KDM3B: variants seen among roughly 807,000 people sequenced by gnomAD.
KDM3B encodes the protein lysine demethylase 3B, also known as lysine-specific demethylase 3B.
A neutral mutation model predicts 170.0 loss-of-function variants in KDM3B; 10 were observed. The ratio of observed to expected loss-of-function variants is 0.06; its 90% CI spans 0.04 to 0.10. The LOEUF (loss-of-function observed/expected upper bound fraction) is 0.10. Ranked by LOEUF, KDM3B falls within the 10% of genes least tolerant of loss-of-function variation. The probability of loss-of-function intolerance (pLI) is 1.00; values close to 1 mark genes in which losing one functional copy is unlikely to be tolerated. For missense variants in KDM3B, 1,394 were observed against 2,195.2 expected, an observed-to-expected ratio of 0.64 and a Z score of 7.29; for synonymous variants, 831 against 834.8, an observed-to-expected ratio of 1.00 and a Z score of 0.08.
At chr5:138,372,926 A>G in intron 2 of KDM3B, 85 bp downstream of exon 2, 1 of 1,194,886 alleles carries the variant, frequency 8.4e-7, no homozygotes, top group Non-Finnish European at 1.2e-6. Flanking sequence ...AGTATGTGTA[A>G]GAACTACATA....
In KDM3B at chr5:138,428,210, T is replaced by G. The variant is rs567276825; in HGVS notation, c.4753+124T>G. ...TTTTTCTTTTTCTTTTTTCTGTTTT[T>G]TTTTTTGGGGGGCGGGGAGGCAGAG... On this transcript the variant is annotated intron_variant, in intron 20 of 23. Transcript: ENST00000314358. 5.9e-4 allele frequency: 625 copies of G among 1,051,164 alleles called. 17 individuals carry two copies. The South Asian group carries it at 7.3e-3, about 12-fold the overall frequency. The allele number at this position is 1,051,164 out of a possible 1,614,324, so 65.1% of individuals were successfully genotyped here.
chr5:138,427,147 T>A (rs1441361885), intron 18 of KDM3B, 42 bp from the exon 19 acceptor site: 13 of 1,607,600 alleles, frequency 8.1e-6, no homozygotes, highest in Non-Finnish European at 1.1e-5. Flanking sequence ...TTGGCTTTCT[T>A]CCCCTATAAC....
chr5:138,408,320 C>CTG (rs1310484415), intron 11 of KDM3B, among the ~76,000 whole-genome samples: 1 of 151,428 alleles, frequency 6.6e-6, no homozygotes, highest in Non-Finnish European at 1.5e-5. Flanking sequence ...CGAGAGAGAG[C>CTG]TGTTTTACTT....
intron 11 of KDM3B, among the ~76,000 whole-genome samples, chr5:138,401,155 C>T (rs1459977083): frequency 6.6e-6 from 1 of 151,636 alleles, no homozygotes; most frequent in Non-Finnish European, 1.5e-5. Context: ...CCTGTAATCC[C>T]AGCTACTCAA....
Position 138,436,481 on chromosome 5 carries a change from A to G in KDM3B, c.*781A>G, listed in dbSNP as rs1763676075. 1 of 152,220 alleles carries G rather than the reference A, an allele frequency of 6.6e-6. No individual in the cohort carries two copies. Among genetic ancestry groups the G allele is most frequent in the South Asian group, 2.1e-4 (1 of 4,834 alleles). The allele number at this position is 152,220 out of a possible 1,614,324, so 9.4% of individuals were successfully genotyped here. On this transcript the variant is annotated 3_prime_UTR_variant, in exon 24 of 24. Coordinates refer to ENST00000314358, the MANE Select transcript of KDM3B (RefSeq NM_016604.4). Reference sequence around the variant, plus strand: ...AATCAGCTACCCATTATAGCACAAAATCAGCCAAAGCAGAATTTTTAAAAA... The same window carrying G: ...AATCAGCTACCCATTATAGCACAAAGTCAGCCAAAGCAGAATTTTTAAAAA...
intron 12 of KDM3B, among the ~76,000 whole-genome samples, chr5:138,416,233 CAT>C (rs1166031930): frequency 6.6e-6 from 1 of 152,120 alleles, no homozygotes; most frequent in Non-Finnish European, 1.5e-5. Context: ...CTTCCATTAA[CAT>C]ACATCCATTG....
intron 9 of KDM3B, 29 bp from the exon 10 acceptor site, chr5:138,398,149 G>T (rs377626071): frequency 1.9e-6 from 3 of 1,561,642 alleles, no homozygotes; most frequent in African/African-American, 1.4e-5. Flanking sequence ...TTGCTCCTGC[G>T]ATTTACCATG....
chr5:138,403,677 C>CA (rs35608823), intron 11 of KDM3B, among the ~76,000 whole-genome samples: 80,147 of 131,738 alleles, frequency 0.61, 23,920 homozygotes, highest in East Asian at 0.84. Flanking sequence ...AACTCTGTCT[C>CA]AAAAAAAAAA....
intron 15 of KDM3B, among the ~76,000 whole-genome samples, chr5:138,423,628 C>G (rs968531913): frequency 6.6e-6 from 1 of 152,152 alleles, no homozygotes; most frequent in African/African-American, 2.4e-5. Flanking sequence ...GGTAGAAAAC[C>G]ATTGCCTTGA....
Position 138,435,761 on chromosome 5 carries a change from G to C in KDM3B, c.*61G>C, listed in dbSNP as rs1763658198. The C allele has an allele frequency of 7.7e-7, 1 of 1,305,186 alleles. No homozygotes were observed. The highest frequency in any genetic ancestry group is 1.9e-5 in the Admixed American group (1 of 52,980). 80.9% of individuals were successfully genotyped at this position (1,305,186 alleles called of 1,614,324 possible). On this transcript the variant is annotated 3_prime_UTR_variant, in exon 24 of 24. Coordinates refer to ENST00000314358, the MANE Select transcript of KDM3B (RefSeq NM_016604.4). Reference sequence around the variant, plus strand: ...TCTTTCACTCACAACACTTAACAGGGAACGGCAGGGCTCTTTGCTGGAGCA... The same window carrying C: ...TCTTTCACTCACAACACTTAACAGGCAACGGCAGGGCTCTTTGCTGGAGCA...
Position 138,432,367 on chromosome 5 carries a change from A to AT in KDM3B, c.5205+812dup, listed in dbSNP as rs1170636244. 3.3e-5 allele frequency among the ~76,000 whole-genome samples: 5 copies of AT among 152,320 alleles called. No individual in the cohort carries two copies. The East Asian group carries it at 9.6e-4, about 29-fold the overall frequency. ...TCCTCTGCTCTTGAAATGGATTGGA[A>AT]TTTTAAGGGCAGAATTTCATCATTA... On this transcript the variant is annotated intron_variant, in intron 23 of 23. Coordinates refer to ENST00000314358, the MANE Select transcript of KDM3B (RefSeq NM_016604.4).
chr5:138,371,050 AC>A (rs1761862044), intron 1 of KDM3B, among the ~76,000 whole-genome samples: 1 of 151,218 alleles, frequency 6.6e-6, no homozygotes, highest in Non-Finnish European at 1.5e-5. Flanking sequence ...CTTGTGATCC[AC>A]CCGCCTCGGC....
chr5:138,393,115 T>G lies in KDM3B; in HGVS notation c.2630-56T>G. Reference sequence around the variant, plus strand: ...ATGTCTGTCCCCAAAAGAATCATGCTATTGGTTCCTGTTTACACCTCATGA... The same window carrying G: ...ATGTCTGTCCCCAAAAGAATCATGCGATTGGTTCCTGTTTACACCTCATGA... On this transcript the variant is annotated intron_variant, in intron 8 of 23. Transcript: ENST00000314358. 4 of 1,503,174 alleles carry G rather than the reference T, an allele frequency of 2.7e-6. No homozygotes were observed. The South Asian group carries it at 4.5e-5, about 17-fold the overall frequency. The allele number at this position is 1,503,174 out of a possible 1,614,324, so 93.1% of individuals were successfully genotyped here.
chr5:138,358,450 G>A (rs1277687326), intron 1 of KDM3B, among the ~76,000 whole-genome samples: 1 of 151,010 alleles, frequency 6.6e-6, no homozygotes, highest in African/African-American at 2.4e-5. Flanking sequence ...TTACAGGCGT[G>A]CACCACCACA....
In KDM3B at chr5:138,424,086, C is replaced by T; in HGVS notation, c.3984C>T (p.Ser1328=). The T allele has an allele frequency of 6.4e-7, 1 of 1,561,916 alleles. No individual in the cohort carries two copies. The highest frequency in any genetic ancestry group is 8.7e-7 in the Non-Finnish European group (1 of 1,150,164). ...VFSTSSAGVK[S]KASLPNFLDH... Reference sequence around the variant, plus strand: ...TTTGTGTCTGGCAGGGAGTGAAGAGCAAGGCCAGCCTACCCAACTTTCTTG... The same window carrying T: ...TTTGTGTCTGGCAGGGAGTGAAGAGTAAGGCCAGCCTACCCAACTTTCTTG... The change falls in exon 16 of 24, where the codon AGC becomes AGT. Residue 1328 remains serine (S), a synonymous_variant. Transcript: ENST00000314358.
At chr5:138,366,554 C>T (rs1761750250) in intron 1 of KDM3B, among the ~76,000 whole-genome samples, 1 of 152,156 alleles carries the variant, frequency 6.6e-6, no homozygotes, top group African/African-American at 2.4e-5. Context: ...TGGTCTCAAA[C>T]TCCTAGGCTC....
chr5:138,407,029 G>A (rs1428836141), intron 11 of KDM3B, among the ~76,000 whole-genome samples: 1 of 139,052 alleles, frequency 7.2e-6, no homozygotes, highest in Non-Finnish European at 1.5e-5. Context: ...TCTGTCGCCC[G>A]GGCTGGAGTG....
intron 11 of KDM3B, among the ~76,000 whole-genome samples, chr5:138,405,288 G>A (rs1170892001): frequency 2.9e-5 from 4 of 140,304 alleles, no homozygotes; most frequent in Non-Finnish European, 4.7e-5. Flanking sequence ...TGATCCACCC[G>A]CCCCAGCCTC....
chr5:138,396,361 C>T (rs1762546926), intron 9 of KDM3B, among the ~76,000 whole-genome samples: 3 of 152,120 alleles, frequency 2.0e-5, no homozygotes, highest in African/African-American at 7.2e-5. Context: ...TCCCAAAGTG[C>T]TGGGATTACA....
Sources: allele counts gnomAD v4.1 joint callset (sites outside exome capture counted in the v4.1 genomes callset), GRCh38; gene constraint gnomAD v4.1.1; transcripts MANE v1.5; gene names NCBI Gene and HGNC (gene_info 2026-07-23, HGNC 2026-07-21).